The following GGA2 variants were observed in gnomAD, a reference collection of about 807,000 sequenced individuals.
GGA2 encodes golgi associated, gamma adaptin ear containing, ARF binding protein 2, also known as ADP-ribosylation factor-binding protein GGA2.
GGA2 carries 48 observed loss-of-function variants against 79.5 expected under a neutral mutation model. The ratio of observed to expected loss-of-function variants is 0.60; its 90% CI spans 0.48 to 0.77. The LOEUF is 0.77. GGA2 is among the 30% of genes least tolerant of loss of function. The probability of loss-of-function intolerance (pLI) is 0.00; values close to 1 mark genes in which losing one functional copy is unlikely to be tolerated. For missense variants in GGA2, 770 were observed against 774.0 expected (o/e 0.99, Z 0.06); for synonymous variants, 317 against 302.0 (o/e 1.05, Z -0.51).
At chr16:23,519,445 A>G in intron 2 of GGA2, 1 of 199,156 alleles carries the variant, frequency 5.0e-6, no homozygotes, top group Non-Finnish European at 1.1e-5. Context: ...ATGATCATAG[A>G]ATATGACTCC....
chr16:23,523,691 T>G (rs1055812741), upstream of GGA2: 1 of 152,192 alleles, frequency 6.6e-6, no homozygotes, highest in African/African-American at 2.4e-5. Context: ...AATTCTTACG[T>G]TGAGAAACCC....
intron 1 of GGA2, chr16:23,501,118 A>C (rs749662302): frequency 7.6e-6 from 3 of 395,556 alleles, no homozygotes; most frequent in Non-Finnish European, 1.5e-5. Flanking sequence ...TCACAAGAGA[A>C]GGTTCCAGGG....
rs376664625 is a variant in GGA2 at position 23,479,539 on chromosome 16, C to G, written c.1129+226G>C. 9.2e-5 allele frequency among the ~76,000 whole-genome samples: 14 copies of G among 151,664 alleles called. No homozygotes were observed. The East Asian group carries it at 2.5e-3, about 27-fold the overall frequency. ...CTACTCACACTCTCCCTGACTTGCTCAGCAGCAGACACGTGCTTCCCAAGG... is the reference window on the plus strand; with the variant it reads ...CTACTCACACTCTCCCTGACTTGCTGAGCAGCAGACACGTGCTTCCCAAGG... On this transcript the variant is annotated intron_variant, in intron 11 of 16. Transcript: ENST00000309859.
At chr16:23,521,456 G>A (rs886798896) in intron 1 of GGA2, among the ~76,000 whole-genome samples, 29 of 151,432 alleles carry the variant, frequency 1.9e-4, no homozygotes, top group African/African-American at 6.8e-4. Flanking sequence ...TTAGAGTGCA[G>A]TAGTGCATTC....
intron 1 of GGA2, among the ~76,000 whole-genome samples, chr16:23,520,253 CAAAAAAAA>C (rs3071381): frequency 8.7e-6 from 1 of 114,442 alleles, no homozygotes; most frequent in Non-Finnish European, 1.7e-5. Context: ...AACTACGTCT[CAAAAAAAA>C]AAAAAAAAAA....
At chr16:23,510,171 C>A in intron 1 of GGA2, 150 bp downstream of exon 1, 1 of 399,852 alleles carries the variant, frequency 2.5e-6, no homozygotes. Context: ...GACCCCTGGG[C>A]GATCTTCCCC....
chr16:23,497,189 C>G (rs372500251), intron 1 of GGA2, among the ~76,000 whole-genome samples: 1 of 152,014 alleles, frequency 6.6e-6, no homozygotes, highest in Admixed American at 6.6e-5. Flanking sequence ...GATGAGAAAC[C>G]GTACTGGTTC....
rs1237567126 is a variant in GGA2, at chr16:23,464,015, C to T, written c.*3575G>A. 1.3e-5 allele frequency: 2 copies of T among 152,140 alleles called. No individual in the cohort carries two copies. Among genetic ancestry groups the T allele is most frequent in the Non-Finnish European group, 2.9e-5 (2 of 68,040 alleles). The allele number at this position is 152,140 out of a possible 1,614,324, so 9.4% of individuals were successfully genotyped here. A position where few individuals can be genotyped will look rare whatever the true frequency, so the allele number is the denominator to read the frequency against. On this transcript the variant is annotated 3_prime_UTR_variant, in exon 17 of 17. Coordinates refer to ENST00000309859, the MANE Select transcript of GGA2 (RefSeq NM_015044.4). ...TATACTCTTGACGCTGGGTAAGCAT[C>T]TTCTATAATGGGTATATTTAAAGGA...
At chr16:23,510,084 G>C (rs559807495) in intron 1 of GGA2, among the ~76,000 whole-genome samples, 1 of 149,834 alleles carries the variant, frequency 6.7e-6, no homozygotes, top group Non-Finnish European at 1.5e-5. Flanking sequence ...TGCTAAGTTG[G>C]GGGGTGGGCG....
intron 14 of GGA2, among the ~76,000 whole-genome samples, chr16:23,473,495 C>T (rs765656127): frequency 1.3e-5 from 2 of 151,668 alleles, no homozygotes; most frequent in Admixed American, 6.6e-5. Context: ...CATTACCACA[C>T]CCAGCTAATT....
intron 5 of GGA2, 52 bp from the exon 6 acceptor site, chr16:23,488,761 C>T (rs1197086820): frequency 2.0e-6 from 2 of 996,486 alleles, no homozygotes; most frequent in Non-Finnish European, 1.6e-6. Context: ...CCAGAAACTT[C>T]AGTCAGAATC....
intron 11 of GGA2, 62 bp downstream of exon 11, chr16:23,479,699 GGGAA>G: frequency 6.3e-7 from 1 of 1,582,776 alleles, no homozygotes; most frequent in Non-Finnish European, 8.6e-7. Context: ...GCTCCGCGAA[GGGAA>G]CCAGCTCACT....
rs143774055 is a variant in GGA2, at chr16:23,489,996, G to A, written c.476-1287C>T. ...AGATCCTACCAAGACCCAGGATGCA[G>A]TGCCTGCCTAAGAACCAGGCTGAAT... On this transcript the variant is annotated intron_variant, in intron 5 of 16. Coordinates refer to ENST00000309859, the MANE Select transcript of GGA2 (RefSeq NM_015044.4). Among the ~76,000 whole-genome samples, 5 of 152,334 alleles carry A rather than the reference G, an allele frequency of 3.3e-5. No homozygotes were observed. The East Asian group carries it at 9.6e-4, about 29-fold the overall frequency.
intron 15 of GGA2, chr16:23,469,249 C>T (rs558119322): frequency 1.3e-4 from 52 of 386,012 alleles, no homozygotes; most frequent in African/African-American, 6.7e-4. Flanking sequence ...GCATCTGAGA[C>T]GCAGCATCAA....
At chr16:23,518,020 C>T (rs958577032) in intron 2 of GGA2, among the ~76,000 whole-genome samples, 3 of 152,072 alleles carry the variant, frequency 2.0e-5, no homozygotes, top group Non-Finnish European at 4.4e-5. Context: ...TCAAGCGATT[C>T]TCCTGCCTCA....
intron 1 of GGA2, among the ~76,000 whole-genome samples, chr16:23,500,322 G>A (rs1469007512): frequency 3.3e-5 from 5 of 152,242 alleles, no homozygotes; most frequent in African/African-American, 7.2e-5. Context: ...GCCAGGAGCC[G>A]AGCTGCCTCA....
intron 5 of GGA2, among the ~76,000 whole-genome samples, 199 bp from the exon 6 acceptor site, chr16:23,488,908 G>A (rs1240321640): frequency 2.6e-5 from 4 of 152,102 alleles, no homozygotes; most frequent in African/African-American, 7.2e-5. Flanking sequence ...CATGGTGGCC[G>A]GGACAGCAGA....
intron 1 of GGA2, among the ~76,000 whole-genome samples, chr16:23,499,916 C>T (rs1964901845): frequency 6.6e-6 from 1 of 152,148 alleles, no homozygotes; most frequent in Non-Finnish European, 1.5e-5. Flanking sequence ...GCCTAGGCTC[C>T]CGCATCACGA....
intron 3 of GGA2, chr16:23,493,964 A>G: frequency 2.8e-6 from 1 of 360,410 alleles, no homozygotes; most frequent in South Asian, 3.8e-5. Flanking sequence ...GCCCATACTC[A>G]TACCTGCCAA....
Sources: allele counts gnomAD v4.1 joint callset (sites outside exome capture counted in the v4.1 genomes callset), GRCh38; gene constraint gnomAD v4.1.1; transcripts MANE v1.5; gene names NCBI Gene and HGNC (gene_info 2026-07-23, HGNC 2026-07-21).